Variants in CCPG1 observed in about 807,000 individuals in gnomAD.
CCPG1 encodes the protein cell cycle progression 1.
In CCPG1, 46 loss-of-function variants were observed where a neutral mutation model predicts 81.3. That is an observed-to-expected ratio of 0.57 (90% CI 0.45 to 0.72). CCPG1 has a LOEUF of 0.72. Ranked by LOEUF, CCPG1 falls within the 30% of genes least tolerant of loss-of-function variation. CCPG1 has a pLI of 0.00. For missense variants in CCPG1, 902 were observed against 937.6 expected, an observed-to-expected ratio of 0.96 and a Z score of 0.50; for synonymous variants, 330 against 305.2, an observed-to-expected ratio of 1.08 and a Z score of -0.85.
chr15:55,371,271 A>G (rs1474882705), intron 6 of CCPG1, among the ~76,000 whole-genome samples: 3 of 152,276 alleles, frequency 2.0e-5, no homozygotes, highest in African/African-American at 7.2e-5. Context: ...AATAAAGAGC[A>G]AAGTATAAGA....
At chr15:55,384,968 C>T (rs2056770919) in intron 3 of CCPG1, among the ~76,000 whole-genome samples, 1 of 152,072 alleles carries the variant, frequency 6.6e-6, no homozygotes, top group Non-Finnish European at 1.5e-5. Context: ...ATACAAACTA[C>T]CAAACAAATG....
At chr15:55,399,253 A>T (rs769517155) in intron 1 of CCPG1, among the ~76,000 whole-genome samples, 83 of 152,172 alleles carry the variant, frequency 5.5e-4, no homozygotes, top group Non-Finnish European at 9.3e-4. Flanking sequence ...ATGAATGAGT[A>T]GTTTTCCATC....
intron 1 of CCPG1, among the ~76,000 whole-genome samples, chr15:55,406,054 G>C (rs568814578): frequency 2.0e-3 from 309 of 152,274 alleles, no homozygotes; most frequent in African/African-American, 7.0e-3. Context: ...TAGTAGAGAC[G>C]GGGTTTTGCC....
intron 1 of CCPG1, among the ~76,000 whole-genome samples, chr15:55,396,707 T>A (rs1478930823): frequency 1.3e-5 from 2 of 152,144 alleles, no homozygotes; most frequent in African/African-American, 4.8e-5. Flanking sequence ...GAAGCTTAAC[T>A]CTAAAAACGA....
At chr15:55,406,547 G>A (rs1219602104) in intron 1 of CCPG1, among the ~76,000 whole-genome samples, 1 of 146,792 alleles carries the variant, frequency 6.8e-6, no homozygotes, top group Non-Finnish European at 1.5e-5. Context: ...TCCGCCTCCC[G>A]GGTTCAAGTA....
At chr15:55,370,198 T>G (rs1364828431) in intron 6 of CCPG1, among the ~76,000 whole-genome samples, 4 of 152,236 alleles carry the variant, frequency 2.6e-5, no homozygotes, top group African/African-American at 9.6e-5. Context: ...TATTCTAACA[T>G]TACGCTATGT....
intron 1 of CCPG1, among the ~76,000 whole-genome samples, chr15:55,391,887 A>G (rs369227729): frequency 0.028 from 1,229 of 44,676 alleles, 20 homozygotes; most frequent in Middle Eastern, 0.077. Context: ...AAAAAAAAAA[A>G]GGGGGGGGGG....
At chr15:55,406,446 T>G (rs200274898) in intron 1 of CCPG1, among the ~76,000 whole-genome samples, 23 of 128,988 alleles carry the variant, frequency 1.8e-4, no homozygotes, top group South Asian at 7.1e-4. Flanking sequence ...CTTTTTTTTT[T>G]TTTGTTTTTT....
At chr15:55,357,188 T>C in intron 8 of CCPG1, 1 of 925,478 alleles carries the variant, frequency 1.1e-6, no homozygotes, top group Non-Finnish European at 1.3e-6. Flanking sequence ...CATCTCCAAT[T>C]ACCCTTGCCC....
At chr15:55,382,057 A>C (rs2056709435) in intron 3 of CCPG1, among the ~76,000 whole-genome samples, 1 of 152,218 alleles carries the variant, frequency 6.6e-6, no homozygotes, top group Non-Finnish European at 1.5e-5. Flanking sequence ...TGATCATCTG[A>C]GCCTTCAGTG....
At chr15:55,402,565 G>A (rs1190450308) in intron 1 of CCPG1, among the ~76,000 whole-genome samples, 1 of 152,036 alleles carries the variant, frequency 6.6e-6, no homozygotes, top group Non-Finnish European at 1.5e-5. Context: ...TTTCTTTATC[G>A]TAAATATTCT....
At chr15:55,378,925 C>G (rs2056621187) in intron 3 of CCPG1, among the ~76,000 whole-genome samples, 1 of 152,002 alleles carries the variant, frequency 6.6e-6, no homozygotes, top group South Asian at 2.1e-4. Context: ...TCAAAGCTAC[C>G]TTGACTAAGT....
At position 55,360,127 on chromosome 15, in the gene CCPG1, T is replaced by C. The variant is rs2056161249; in HGVS notation, c.1646A>G (p.Asn549Ser). The change falls in exon 8 of 9, where the codon AAT becomes AGT. Residue 549 changes from asparagine to serine, a missense_variant. By Grantham distance (46) the Asn-to-Ser change is conservative. Coordinates refer to ENST00000442196, the MANE Select transcript of CCPG1 (RefSeq NM_001204450.2). ...TTCTTTTGTAGCACCAAATCTTTTA[T>C]TACCCTTTTCATCAAAGATATTCTT... ...TTKNIFDEKG[N>S]KRFGATKEAA... 6.2e-7 allele frequency: 1 copy of C among 1,613,822 alleles called. No homozygotes were observed. The highest frequency in any genetic ancestry group is 1.3e-5 in the African/African-American group (1 of 74,890).
At chr15:55,391,892 G>GT (rs1240775309) in intron 1 of CCPG1, among the ~76,000 whole-genome samples, 1 of 114,994 alleles carries the variant, frequency 8.7e-6, no homozygotes, top group African/African-American at 2.7e-5. Context: ...AAAAAAGGGG[G>GT]GGGGGGGCTA....
At chr15:55,385,743 T>A (rs758915400) in intron 2 of CCPG1, 29 bp from the exon 3 acceptor site, 1 of 1,243,334 alleles carries the variant, frequency 8.0e-7, no homozygotes, top group Non-Finnish European at 1.2e-6. Context: ...CTTTCAGTTA[T>A]TTGCCTATTA....
rs1555411249 is a variant in CCPG1 at position 55,407,045 on chromosome 15, C to CCCCGCG, written c.-10+1175_-10+1176insCGCGGG. Reference sequence around the variant, plus strand: ...CTGGCCGACACGTTGAGACCCCCCCCCCCGCCCCGCCGTCTCTACTAAAAA... The same window carrying CCCCGCG: ...CTGGCCGACACGTTGAGACCCCCCCCCCCGCGCCCGCCCCGCCGTCTCTACTAAAAA... On this transcript the variant is annotated intron_variant, in intron 1 of 8. Transcript: ENST00000442196. Among the ~76,000 whole-genome samples the CCCCGCG allele has an allele frequency of 2.5e-4, 34 of 133,690 alleles. 2 individuals carry two copies. Among genetic ancestry groups the CCCCGCG allele is most frequent in the African/African-American group, 1.1e-3 (32 of 28,838 alleles). 87.7% of individuals were successfully genotyped at this position (133,690 alleles called of 152,430 possible).
At chr15:55,370,507 C>T (rs2056424002) in intron 6 of CCPG1, among the ~76,000 whole-genome samples, 2 of 152,158 alleles carry the variant, frequency 1.3e-5, no homozygotes, top group Non-Finnish European at 2.9e-5. Flanking sequence ...ATAAGAGACT[C>T]AGGCCAGGCA....
chr15:55,383,103 C>T (rs886780901), intron 3 of CCPG1, among the ~76,000 whole-genome samples: 2 of 152,172 alleles, frequency 1.3e-5, no homozygotes, highest in Non-Finnish European at 2.9e-5. Context: ...AATAATACAA[C>T]CTGAAAGTCA....
rs866472389 is a variant in CCPG1, at chr15:55,402,483, C to T, written c.-10+5738G>A. The stretch of plus-strand genomic sequence containing the variant: ...ACCTCAGGTGATCCACTCTCCTCGA[C>T]CTTCCAAAGTGCTGGGATTACAGGC... On this transcript the variant is annotated intron_variant, in intron 1 of 8. Transcript: ENST00000442196. Among the ~76,000 whole-genome samples the T allele has an allele frequency of 1.3e-5, 2 of 152,312 alleles. 1 individual carries two copies. Among genetic ancestry groups the T allele is most frequent in the Middle Eastern group, 6.8e-3 (2 of 294 alleles).
Sources: allele counts gnomAD v4.1 joint callset (sites outside exome capture counted in the v4.1 genomes callset), GRCh38; gene constraint gnomAD v4.1.1; transcripts MANE v1.5; gene names NCBI Gene and HGNC (gene_info 2026-07-23, HGNC 2026-07-21).